Variants in EML6 observed in about 807,000 individuals in gnomAD.
The protein encoded by EML6 is EMAP like 6, also known as echinoderm microtubule-associated protein-like 6.
EML6 carries 154 observed loss-of-function variants against 240.1 expected under a neutral mutation model. That is an observed-to-expected ratio of 0.64 (90% CI 0.56 to 0.73). The LOEUF is 0.73. Ranked by LOEUF, EML6 falls within the 30% of genes least tolerant of loss-of-function variation. The pLI is 0.00. For synonymous variants in EML6, 1,148 were observed against 899.0 expected (o/e 1.28, Z -4.95); for missense variants, 2,964 against 2,474.6 (o/e 1.20, Z -4.20).
intron 24 of EML6, among the ~76,000 whole-genome samples, chr2:54,910,735 C>G (rs962724236): frequency 1.3e-5 from 2 of 152,144 alleles, no homozygotes; most frequent in East Asian, 3.8e-4. Context: ...TGTTGAAGAT[C>G]AAATATTATG....
intron 30 of EML6, among the ~76,000 whole-genome samples, chr2:54,952,196 C>T (rs541161714): frequency 1.5e-4 from 23 of 152,262 alleles, no homozygotes; most frequent in African/African-American, 5.1e-4. Context: ...CATCTCCAGG[C>T]CTCCACCCCT....
chr2:54,768,375 C>G (rs1668277470), intron 2 of EML6, among the ~76,000 whole-genome samples: 1 of 152,140 alleles, frequency 6.6e-6, no homozygotes, highest in Admixed American at 6.5e-5. Context: ...GGATGACATG[C>G]AAGGACTTTT....
intron 2 of EML6, among the ~76,000 whole-genome samples, chr2:54,798,689 G>A (rs1043480042): frequency 6.6e-6 from 1 of 152,106 alleles, no homozygotes; most frequent in Non-Finnish European, 1.5e-5. Context: ...AGGATAATAG[G>A]ATTTTGTAAC....
chr2:54,769,278 G>T (rs1209873587), intron 2 of EML6, among the ~76,000 whole-genome samples: 1 of 152,148 alleles, frequency 6.6e-6, no homozygotes, highest in Non-Finnish European at 1.5e-5. Context: ...ATGCAGCAGA[G>T]GACATCTGGT....
At position 54,950,670 on chromosome 2, in the gene EML6, G is replaced by A; in HGVS notation, c.4104G>A (p.Val1368=). Residue 1368 remains valine, a synonymous_variant, in exon 30 of 42, where the codon GTG becomes GTA. Transcript: ENST00000356458. ...TGCAGGAGCTGGCTCTAGACCACGT[G>A]TTTGGCTACAGAGGTTTCGACTGTC... ...KLVEELALDH[V]FGYRGFDCRN... The A allele has an allele frequency of 1.3e-6, 2 of 1,551,632 alleles. No individual in the cohort carries two copies. The highest frequency in any genetic ancestry group is 1.2e-5 in the South Asian group (1 of 84,054).
At position 54,852,226 on chromosome 2, in the gene EML6, A is replaced by G. The variant is rs532926486; in HGVS notation, c.1445-1417A>G. ...TTGTGACCCCACCATAACTTTTATA[A>G]GAGATTCATCTGACTTACATAATAC... On this transcript the variant is annotated intron_variant, in intron 10 of 41. Coordinates refer to ENST00000356458, the MANE Select transcript of EML6 (RefSeq NM_001039753.4). 3.3e-5 allele frequency among the ~76,000 whole-genome samples: 5 copies of G among 152,322 alleles called. No homozygotes were observed. In the East Asian group the frequency reaches 9.6e-4, roughly 29 times the overall value.
chr2:54,896,561 A>G (rs1453131448), intron 21 of EML6, among the ~76,000 whole-genome samples: 23 of 152,164 alleles, frequency 1.5e-4, no homozygotes, highest in Admixed American at 1.4e-3. Context: ...GACCATATTT[A>G]GGTGGAAGAG....
rs146211622 is a variant in EML6, at chr2:54,764,185, G to A, written c.197+38927G>A. On this transcript the variant is annotated intron_variant, in intron 2 of 41. Transcript: ENST00000356458. ...CATTTTAGAAAGGTTATAGACAGCG[G>A]CCATTTATGCTGTGTGCCTGTCTGC... Among the ~76,000 whole-genome samples, 10 of 152,330 alleles carry A rather than the reference G, an allele frequency of 6.6e-5. No individual in the cohort carries two copies. The East Asian group carries it at 1.7e-3, about 26-fold the overall frequency.
chr2:54,964,490 C>A (rs1490110769), intron 37 of EML6, 81 bp from the exon 38 acceptor site: 1 of 1,352,420 alleles, frequency 7.4e-7, no homozygotes, highest in Non-Finnish European at 1.0e-6. Flanking sequence ...GCCTGGAAGG[C>A]CTGTCACAGA....
chr2:54,891,109 C>A lies in EML6; in HGVS notation c.2494C>A (p.Leu832Met). 6.6e-7 allele frequency: 1 copy of A among 1,509,494 alleles called. No homozygotes were observed. The allele number at this position is 1,509,494 out of a possible 1,614,324, so 93.5% of individuals were successfully genotyped here. ...VKCNPHHVDKLVTVGIKHIKF... is the reference protein window; with the variant it reads ...VKCNPHHVDKMVTVGIKHIKF... ...GTGTAACCCACACCATGTTGACAAA[C>A]TGGTTACAGTTGGGATAAAACACAT... Residue 832 changes from leucine (L) to methionine (M), a missense_variant, in exon 18 of 42, where the codon CTG becomes ATG. Physicochemically the swap from Leu to Met is conservative, Grantham distance 15. Coordinates refer to ENST00000356458, the MANE Select transcript of EML6 (RefSeq NM_001039753.4).
At chr2:54,851,242 C>T (rs537029408) in intron 10 of EML6, among the ~76,000 whole-genome samples, 2 of 151,774 alleles carry the variant, frequency 1.3e-5, no homozygotes, top group South Asian at 4.2e-4. Flanking sequence ...AGTCCCATCT[C>T]TGCTAAAGAT....
chr2:54,781,264 G>A (rs1016505174), intron 2 of EML6, among the ~76,000 whole-genome samples: 3 of 152,200 alleles, frequency 2.0e-5, no homozygotes, highest in African/African-American at 7.2e-5. Flanking sequence ...TCTGGCAGTG[G>A]TGATAGATTT....
chr2:54,907,368 G>A (rs1673378931), intron 24 of EML6, among the ~76,000 whole-genome samples: 1 of 152,100 alleles, frequency 6.6e-6, no homozygotes, highest in Non-Finnish European at 1.5e-5. Context: ...TCAGCCAGGT[G>A]TGGTGGCGGG....
At chr2:54,745,356 A>G (rs1338420469) in intron 2 of EML6, among the ~76,000 whole-genome samples, 3 of 152,160 alleles carry the variant, frequency 2.0e-5, no homozygotes. Context: ...AGTGCCTTCT[A>G]TGAAAGGTAG....
chr2:54,789,532 A>AAAAAAAAG (rs1669303365), intron 2 of EML6, among the ~76,000 whole-genome samples: 21 of 143,328 alleles, frequency 1.5e-4, no homozygotes, highest in Admixed American at 3.7e-4. Flanking sequence ...AAAAAAAAAA[A>AAAAAAAAG]AAAAAAAAAA....
intron 15 of EML6, 136 bp from the exon 16 acceptor site, chr2:54,871,364 A>G: frequency 3.0e-6 from 2 of 662,750 alleles, no homozygotes; most frequent in Non-Finnish European, 5.3e-6. Context: ...ACTGAATTGT[A>G]GCAGATGATT....
intron 25 of EML6, 97 bp from the exon 26 acceptor site, chr2:54,916,662 G>T: frequency 1.0e-6 from 1 of 978,066 alleles, no homozygotes; most frequent in South Asian, 2.5e-5. Flanking sequence ...GCCTAACGTT[G>T]GCAAAGTAAT....
intron 16 of EML6, among the ~76,000 whole-genome samples, chr2:54,872,558 T>C (rs1032483527): frequency 4.6e-5 from 7 of 152,150 alleles, no homozygotes; most frequent in Admixed American, 3.9e-4. Flanking sequence ...CCCAAAAGCA[T>C]AGTTACCATT....
chr2:54,865,197 A>G (rs1670904912), intron 13 of EML6, among the ~76,000 whole-genome samples: 1 of 152,126 alleles, frequency 6.6e-6, no homozygotes, highest in East Asian at 1.9e-4. Flanking sequence ...CTAGTAGAAG[A>G]ATGAAAAGGG....
Sources: gnomAD v4.1 joint callset for allele counts (sites outside exome capture counted in the v4.1 genomes callset) on GRCh38, gnomAD v4.1.1 for gene constraint, MANE v1.5 for transcripts, NCBI Gene and HGNC (gene_info 2026-07-23, HGNC 2026-07-21) for gene names.